The following RAD51B variants were observed in gnomAD, a reference collection of about 807,000 sequenced individuals.
The protein encoded by RAD51B is RAD51 paralog B, also known as DNA repair protein RAD51 homolog 2.
Under a neutral mutation model 42.2 loss-of-function variants are expected in RAD51B, and 38 were observed. That is an observed-to-expected ratio of 0.90 (90% CI 0.70 to 1.18). The LOEUF (loss-of-function observed/expected upper bound fraction) is 1.18, where lower values mean the gene tolerates loss of function less well. Among genes scored for constraint, RAD51B ranks in the 50% most tolerant of loss-of-function variants. RAD51B has a pLI of 0.00. For synonymous variants in RAD51B, 154 were observed against 145.2 expected (o/e 1.06, Z -0.43); for missense variants, 373 against 400.7 (o/e 0.93, Z 0.59).
chr14:67,936,333 G>A (rs11848730), intron 7 of RAD51B, among the ~76,000 whole-genome samples: 1 of 152,142 alleles, frequency 6.6e-6, no homozygotes, highest in East Asian at 1.9e-4. Flanking sequence ...TTTCATGAAA[G>A]TGGAGTCATA....
intron 11 of RAD51B, among the ~76,000 whole-genome samples, chr14:68,673,410 CAT>C (rs10534102): frequency 0.43 from 65,518 of 151,224 alleles, 15,253 homozygotes; most frequent in African/African-American, 0.61. Flanking sequence ...CATACACACA[CAT>C]ACTGTATGCA....
chr14:68,018,928 C>T lies in RAD51B; in HGVS notation c.756+131724C>T, dbSNP rs183390637. Among the ~76,000 whole-genome samples, 457 of 152,138 alleles carry T rather than the reference C, an allele frequency of 3.0e-3. 3 individuals carry two copies. Among genetic ancestry groups the T allele is most frequent in the Non-Finnish European group, 5.3e-3 (358 of 67,998 alleles). The stretch of plus-strand genomic sequence containing the variant: ...GGGTAATTATTCTTTGGGCCTCAGA[C>T]GCATCTCTGAAATGAATATAATAAT... On this transcript the variant is annotated intron_variant, in intron 7 of 10. Transcript: ENST00000471583.
chr14:68,311,943 A>G (rs917408245), intron 8 of RAD51B, among the ~76,000 whole-genome samples: 1 of 152,166 alleles, frequency 6.6e-6, no homozygotes, highest in African/African-American at 2.4e-5. Context: ...GGCCCCAAAC[A>G]TATTCTAATT....
At chr14:67,874,382 A>G (rs1191722105) in intron 5 of RAD51B, among the ~76,000 whole-genome samples, 1 of 151,998 alleles carries the variant, frequency 6.6e-6, no homozygotes, top group African/African-American at 2.4e-5. Context: ...TGGCCCAACA[A>G]ATTCATAAAC....
At chr14:68,253,953 T>C (rs1236143615) in intron 7 of RAD51B, among the ~76,000 whole-genome samples, 2 of 152,250 alleles carry the variant, frequency 1.3e-5, no homozygotes, top group African/African-American at 2.4e-5. Context: ...TCATTTATTC[T>C]AGTTTTTCAA....
At chr14:68,159,007 T>G (rs1161660907) in intron 7 of RAD51B, among the ~76,000 whole-genome samples, 2 of 152,186 alleles carry the variant, frequency 1.3e-5, no homozygotes, top group African/African-American at 4.8e-5. Flanking sequence ...TATTTTTTTT[T>G]TGCAACTTTT....
chr14:68,549,078 G>C (rs1888380893), intron 10 of RAD51B, among the ~76,000 whole-genome samples: 1 of 152,136 alleles, frequency 6.6e-6, no homozygotes, highest in African/African-American at 2.4e-5. Flanking sequence ...AGTCAGAGTG[G>C]GAGCTGAGGG....
At chr14:68,673,576 A>G (rs997940949) in intron 11 of RAD51B, among the ~76,000 whole-genome samples, 1 of 151,300 alleles carries the variant, frequency 6.6e-6, no homozygotes, top group Non-Finnish European at 1.5e-5. Context: ...ACACACATAC[A>G]CATACTGTAC....
chr14:68,551,321 GC>G (rs1888556768), intron 10 of RAD51B, among the ~76,000 whole-genome samples: 1 of 152,144 alleles, frequency 6.6e-6, no homozygotes, highest in Admixed American at 6.6e-5. Context: ...TGGCTCCAGG[GC>G]CCCTTCAGCC....
At chr14:68,139,299 A>G (rs2078077016) in intron 7 of RAD51B, among the ~76,000 whole-genome samples, 1 of 152,124 alleles carries the variant, frequency 6.6e-6, no homozygotes, top group South Asian at 2.1e-4. Flanking sequence ...TAGATGAGAA[A>G]GTTGAGGTAC....
intron 7 of RAD51B, among the ~76,000 whole-genome samples, chr14:68,078,776 G>A (rs1247197056): frequency 6.6e-6 from 1 of 152,304 alleles, no homozygotes; most frequent in East Asian, 1.9e-4. Flanking sequence ...GACTGCTTGA[G>A]CCCAAGGGTT....
At chr14:68,285,470 T>C (rs2081396315) in intron 7 of RAD51B, among the ~76,000 whole-genome samples, 1 of 152,202 alleles carries the variant, frequency 6.6e-6, no homozygotes, top group Non-Finnish European at 1.5e-5. Context: ...GCATTGGATT[T>C]AGTGCCAGGC....
chr14:68,522,983 C>A (rs1434858340), intron 10 of RAD51B, among the ~76,000 whole-genome samples: 1 of 152,242 alleles, frequency 6.6e-6, no homozygotes, highest in Non-Finnish European at 1.5e-5. Flanking sequence ...TTGAACAAAA[C>A]AGTTCTCTGA....
chr14:68,452,999 G>A (rs1159904745), intron 9 of RAD51B, among the ~76,000 whole-genome samples: 1 of 152,144 alleles, frequency 6.6e-6, no homozygotes, highest in East Asian at 1.9e-4. Context: ...CTAAAAAATT[G>A]TATTGAGTAG....
chr14:67,972,257 A>G (rs151314425), intron 7 of RAD51B, among the ~76,000 whole-genome samples: 1 of 152,132 alleles, frequency 6.6e-6, no homozygotes, highest in East Asian at 1.9e-4. Flanking sequence ...TCTCCTTGAC[A>G]CCAATATTGT....
intron 7 of RAD51B, among the ~76,000 whole-genome samples, chr14:67,989,416 C>T (rs1342135625): frequency 6.6e-6 from 1 of 152,048 alleles, no homozygotes; most frequent in Non-Finnish European, 1.5e-5. Flanking sequence ...GCAGGTGGAT[C>T]ACCTGAGGTC....
intron 7 of RAD51B, among the ~76,000 whole-genome samples, chr14:68,105,039 AC>A (rs1228811707): frequency 1.3e-5 from 2 of 151,814 alleles, no homozygotes; most frequent in Admixed American, 1.3e-4. Context: ...ACACCCTCCC[AC>A]CCCAATGGAG....
intron 7 of RAD51B, among the ~76,000 whole-genome samples, chr14:67,991,633 A>C (rs2075298282): frequency 6.6e-6 from 1 of 152,216 alleles, no homozygotes; most frequent in South Asian, 2.1e-4. Flanking sequence ...ATCTGTCTTC[A>C]CCTTCATTAT....
At chr14:68,302,074 G>C (rs2081752450) in intron 8 of RAD51B, among the ~76,000 whole-genome samples, 1 of 152,210 alleles carries the variant, frequency 6.6e-6, no homozygotes, top group African/African-American at 2.4e-5. Context: ...AACAGAAGTG[G>C]AACAGCTCAG....
Sources: gnomAD v4.1 joint callset for allele counts (sites outside exome capture counted in the v4.1 genomes callset) on GRCh38, gnomAD v4.1.1 for gene constraint, MANE v1.5 for transcripts, NCBI Gene and HGNC (gene_info 2026-07-23, HGNC 2026-07-21) for gene names.